Variants in MGAT5 observed in about 807,000 individuals in gnomAD.
MGAT5 encodes alpha-1,6-mannosylglycoprotein 6-beta-N-acetylglucosaminyltransferase.
MGAT5 carries 30 observed loss-of-function variants against 94.3 expected under a neutral mutation model. The observed-to-expected ratio is 0.32, with a 90% CI of 0.24 to 0.43. The LOEUF is 0.43. Ranked by LOEUF, MGAT5 falls within the 20% of genes least tolerant of loss-of-function variation. MGAT5 has a pLI of 1.00. For synonymous variants in MGAT5, 310 were observed against 322.9 expected, an observed-to-expected ratio of 0.96 and a Z score of 0.43; for missense variants, 691 against 905.5, an observed-to-expected ratio of 0.76 and a Z score of 3.04.
chr2:134,376,026 C>T (rs898980614), intron 10 of MGAT5, among the ~76,000 whole-genome samples: 2 of 152,178 alleles, frequency 1.3e-5, no homozygotes, highest in Non-Finnish European at 2.9e-5. Flanking sequence ...GAGCAATGTA[C>T]AGCCCTGTTG....
intron 10 of MGAT5, among the ~76,000 whole-genome samples, chr2:134,366,650 A>C (rs1489330116): frequency 6.6e-6 from 1 of 152,204 alleles, no homozygotes; most frequent in African/African-American, 2.4e-5. Context: ...ACTAATGCAC[A>C]CATCACCTGA....
At chr2:134,404,158 T>G (rs111830323) in intron 11 of MGAT5, among the ~76,000 whole-genome samples, 1 of 152,194 alleles carries the variant, frequency 6.6e-6, no homozygotes, top group Non-Finnish European at 1.5e-5. Context: ...GGGATGCAAG[T>G]GTGAAGAAGG....
intron 1 of MGAT5, among the ~76,000 whole-genome samples, chr2:134,189,300 A>G (rs1689200533): frequency 6.6e-6 from 1 of 152,020 alleles, no homozygotes; most frequent in African/African-American, 2.4e-5. Context: ...CTTAGTGTAA[A>G]CTCAGGTGTG....
intron 1 of MGAT5, among the ~76,000 whole-genome samples, chr2:134,182,478 C>T (rs1688779748): frequency 6.6e-6 from 1 of 152,066 alleles, no homozygotes; most frequent in Non-Finnish European, 1.5e-5. Flanking sequence ...CCAAACTCTA[C>T]CCTTCATCCT....
At position 134,126,970 on chromosome 2, in the gene MGAT5, C is replaced by T. The variant is rs148060278; in HGVS notation, c.-143+6679C>T. 6.2e-4 allele frequency among the ~76,000 whole-genome samples: 95 copies of T among 152,036 alleles called. No individual in the cohort carries two copies. The East Asian group carries it at 0.012, about 20-fold the overall frequency. ...GCCGGTGAGGAGTTTTCTGAATGAC[C>T]GATTCTTTCTTGGATGCAAAGAGAA... On this transcript the variant is annotated intron_variant, in intron 1 of 16. Coordinates refer to the MGAT5 transcript ENST00000409645.
At chr2:134,423,212 T>C (rs906293867) in intron 13 of MGAT5, among the ~76,000 whole-genome samples, 17 of 152,216 alleles carry the variant, frequency 1.1e-4, no homozygotes, top group Admixed American at 1.1e-3. Context: ...AGTGACCTGA[T>C]TATGTTGCTC....
Position 134,260,905 on chromosome 2 carries a change from G to C in MGAT5, c.241+6261G>C, listed in dbSNP as rs190296279. On this transcript the variant is annotated intron_variant, in intron 1 of 15. Coordinates refer to ENST00000281923, the MANE Select transcript of MGAT5 (RefSeq NM_002410.5). ...GACGTGGCTGGTGTGATTAAAGAAA[G>C]GGCTTTCTGCTTTAAAAAGCTTGGA... 2.5e-3 allele frequency among the ~76,000 whole-genome samples: 380 copies of C among 152,092 alleles called. 2 individuals are homozygous for C. The highest frequency in any genetic ancestry group is 8.5e-3 in the African/African-American group (353 of 41,474).
intron 1 of MGAT5, among the ~76,000 whole-genome samples, chr2:134,188,134 C>G (rs769256900): frequency 1.3e-5 from 2 of 152,214 alleles, no homozygotes; most frequent in Non-Finnish European, 2.9e-5. Flanking sequence ...AATTAGTTCT[C>G]CTGAGCTGCA....
intron 1 of MGAT5, among the ~76,000 whole-genome samples, chr2:134,143,176 G>T (rs1024442499): frequency 1.3e-5 from 2 of 152,084 alleles, no homozygotes; most frequent in Non-Finnish European, 2.9e-5. Flanking sequence ...GTGTTGCTGG[G>T]GGCAGGGGCA....
At chr2:134,191,673 C>G (rs1442910705) in intron 1 of MGAT5, among the ~76,000 whole-genome samples, 1 of 149,812 alleles carries the variant, frequency 6.7e-6, no homozygotes, top group African/African-American at 2.5e-5. Flanking sequence ...TTCTCGCCCT[C>G]CTCCTCCTCC....
intron 1 of MGAT5, among the ~76,000 whole-genome samples, chr2:134,171,261 G>C (rs62165705): frequency 0.18 from 27,676 of 152,192 alleles, 2,610 homozygotes; most frequent in South Asian, 0.23. Flanking sequence ...GCTTGTAATT[G>C]AATTGGGTTT....
chr2:134,187,588 CAT>C (rs2105206630), intron 1 of MGAT5, among the ~76,000 whole-genome samples: 1 of 152,346 alleles, frequency 6.6e-6, no homozygotes, highest in African/African-American at 2.4e-5. Context: ...CATGCACACA[CAT>C]GTATGTTTGC....
intron 2 of MGAT5, among the ~76,000 whole-genome samples, chr2:134,313,060 A>G (rs917217768): frequency 4.9e-5 from 7 of 141,798 alleles, no homozygotes; most frequent in African/African-American, 1.7e-4. Flanking sequence ...ACACACACAC[A>G]CACACACACA....
rs547541901 is a variant in MGAT5 at position 134,409,281 on chromosome 2, G to A, written c.1531-3588G>A. 3.2e-4 allele frequency among the ~76,000 whole-genome samples: 49 copies of A among 152,258 alleles called. 1 individual carries two copies. The highest frequency in any genetic ancestry group is 2.2e-3 in the Admixed American group (33 of 15,298). On this transcript the variant is annotated intron_variant, in intron 11 of 15. Transcript: ENST00000281923. ...CAACCCCATGAAATAAAGCACTATT[G>A]TTTTACCCATTTTACACATGAAAAC...
At position 134,144,596 on chromosome 2, in the gene MGAT5, T is replaced by G. The variant is rs115823712; in HGVS notation, c.-143+24305T>G. Among the ~76,000 whole-genome samples, 558 of 152,338 alleles carry G rather than the reference T, an allele frequency of 3.7e-3. 1 individual carries two copies. Among genetic ancestry groups the G allele is most frequent in the African/African-American group, 0.013 (522 of 41,562 alleles). Reference sequence around the variant, plus strand: ...AAGTTCGAACATTTGGTGCTCAGTATAATCCTTTGGGGAATGGGAAGAAAA... The same window carrying G: ...AAGTTCGAACATTTGGTGCTCAGTAGAATCCTTTGGGGAATGGGAAGAAAA... On this transcript the variant is annotated intron_variant, in intron 1 of 16. Transcript: ENST00000409645.
At chr2:134,414,520 T>C (rs1327273877) in intron 12 of MGAT5, among the ~76,000 whole-genome samples, 3 of 152,200 alleles carry the variant, frequency 2.0e-5, no homozygotes, top group African/African-American at 7.2e-5. Flanking sequence ...ATGCTTAAGG[T>C]GTACACCTTG....
At chr2:134,129,128 C>G (rs1404620112) in intron 1 of MGAT5, among the ~76,000 whole-genome samples, 1 of 152,214 alleles carries the variant, frequency 6.6e-6, no homozygotes, top group Admixed American at 6.5e-5. Context: ...TGGCCGAGAT[C>G]AAGGTGTCTA....
intron 1 of MGAT5, among the ~76,000 whole-genome samples, chr2:134,201,589 A>G (rs143082027): frequency 6.6e-4 from 100 of 152,166 alleles, no homozygotes; most frequent in African/African-American, 2.3e-3. Flanking sequence ...AGGGTGAAAC[A>G]ATTTTTATGA....
At chr2:134,414,164 T>G (rs5027604) in intron 12 of MGAT5, among the ~76,000 whole-genome samples, 19,419 of 151,310 alleles carry the variant, frequency 0.13, 1,604 homozygotes, top group East Asian at 0.28. Context: ...TGTGTGGTTT[T>G]TTTTTTTTTT....
Sources: allele counts gnomAD v4.1 joint callset (sites outside exome capture counted in the v4.1 genomes callset), GRCh38; gene constraint gnomAD v4.1.1; transcripts MANE v1.5; gene names NCBI Gene and HGNC (gene_info 2026-07-23, HGNC 2026-07-21).